CUL5: variants seen among roughly 807,000 people sequenced by gnomAD.
CUL5 encodes the protein cullin-5.
In CUL5, 26 loss-of-function variants were observed where a neutral mutation model predicts 108.8. That is an observed-to-expected ratio of 0.24 (90% CI 0.18 to 0.33). The LOEUF (loss-of-function observed/expected upper bound fraction) is 0.33. Ranked by LOEUF, CUL5 falls within the 10% of genes least tolerant of loss-of-function variation. The pLI, the probability that CUL5 is intolerant of heterozygous loss-of-function variation, is 1.00. For missense variants in CUL5, 524 were observed against 909.2 expected, an observed-to-expected ratio of 0.58 and a Z score of 5.45; for synonymous variants, 334 against 298.0, an observed-to-expected ratio of 1.12 and a Z score of -1.25.
At chr11:108,043,748 G>A (rs990935828) in intron 2 of CUL5, among the ~76,000 whole-genome samples, 1 of 152,226 alleles carries the variant, frequency 6.6e-6, no homozygotes, top group Non-Finnish European at 1.5e-5. Flanking sequence ...ACTTAGAATA[G>A]TATCTGGCTG....
At chr11:108,079,605 A>G (rs1030985509) in intron 11 of CUL5, among the ~76,000 whole-genome samples, 2 of 152,224 alleles carry the variant, frequency 1.3e-5, no homozygotes, top group African/African-American at 4.8e-5. Context: ...TTATGTTTTT[A>G]GGCAAAATTT....
intron 14 of CUL5, 86 bp from the exon 15 acceptor site, chr11:108,094,726 G>A: frequency 9.0e-7 from 1 of 1,116,006 alleles, no homozygotes; most frequent in Non-Finnish European, 1.3e-6. Flanking sequence ...TAGTCTTATT[G>A]ATTTTTCACC....
chr11:108,035,203 G>A (rs571214670), intron 2 of CUL5, among the ~76,000 whole-genome samples: 1 of 152,296 alleles, frequency 6.6e-6, no homozygotes, highest in East Asian at 1.9e-4. Context: ...GGGCGAAGGG[G>A]CTACACTCTT....
At chr11:108,055,006 G>A (rs369360610) in intron 7 of CUL5, 51 bp downstream of exon 7, 165 of 1,193,296 alleles carry the variant, frequency 1.4e-4, no homozygotes, top group Non-Finnish European at 1.9e-4. Context: ...AAATACGGAA[G>A]CATAGGAATG....
chr11:108,027,273 A>G (rs1286479446), intron 1 of CUL5, among the ~76,000 whole-genome samples: 2 of 142,306 alleles, frequency 1.4e-5, no homozygotes, highest in East Asian at 4.1e-4. Flanking sequence ...TGCCCAGCTA[A>G]TTTTTTTTTT....
At chr11:108,097,822 A>T in intron 17 of CUL5, 68 bp downstream of exon 17, 1 of 832,286 alleles carries the variant, frequency 1.2e-6, no homozygotes, top group Non-Finnish European at 2.0e-6. Flanking sequence ...TTTTTGCAAA[A>T]TAATTGTTTT....
intron 4 of CUL5, among the ~76,000 whole-genome samples, chr11:108,052,221 T>G (rs1037464102): frequency 6.6e-6 from 1 of 152,220 alleles, no homozygotes; most frequent in African/African-American, 2.4e-5. Context: ...TCCTCCCACC[T>G]TGGCCTCCCA....
chr11:108,092,810 T>G (rs892448546), intron 13 of CUL5, among the ~76,000 whole-genome samples: 4 of 152,118 alleles, frequency 2.6e-5, no homozygotes, highest in Non-Finnish European at 4.4e-5. Context: ...TATTTTATTT[T>G]TATTTTTATT....
chr11:108,061,950 C>A (rs1863546656), intron 7 of CUL5, among the ~76,000 whole-genome samples: 1 of 152,012 alleles, frequency 6.6e-6, no homozygotes, highest in African/African-American at 2.4e-5. Flanking sequence ...TTAAAACCAT[C>A]AGATTTTGAG....
chr11:108,020,541 T>TG (rs1218092169), intron 1 of CUL5, among the ~76,000 whole-genome samples: 1 of 151,372 alleles, frequency 6.6e-6, no homozygotes, highest in East Asian at 1.9e-4. Context: ...TGTGATTTTT[T>TG]TTTTTTTGTT....
chr11:108,015,416 C>T (rs1862157561), intron 1 of CUL5, among the ~76,000 whole-genome samples: 4 of 152,140 alleles, frequency 2.6e-5, no homozygotes, highest in Admixed American at 2.6e-4. Flanking sequence ...AGGTGCATAA[C>T]CAGAGAATTC....
intron 16 of CUL5, among the ~76,000 whole-genome samples, chr11:108,095,990 G>A (rs1003594135): frequency 1.3e-5 from 2 of 151,542 alleles, no homozygotes; most frequent in Admixed American, 1.3e-4. Flanking sequence ...CAGCTACTTG[G>A]GAGGCTGAGG....
chr11:108,035,682 T>A (rs1862721105), intron 2 of CUL5, among the ~76,000 whole-genome samples: 1 of 151,570 alleles, frequency 6.6e-6, no homozygotes, highest in South Asian at 2.1e-4. Flanking sequence ...GATTGCTTGC[T>A]GCATTGAGGC....
At chr11:108,054,228 C>G (rs1863315502) in intron 5 of CUL5, among the ~76,000 whole-genome samples, 1 of 152,152 alleles carries the variant, frequency 6.6e-6, no homozygotes. Flanking sequence ...TCTACCTTAC[C>G]TTCTATTAAC....
rs71303233 is a variant in CUL5 at position 108,091,695 on chromosome 11, TCACA to T, written c.1443+2106_1443+2109del. On this transcript the variant is annotated intron_variant, in intron 13 of 18. Transcript: ENST00000393094. ...CAGAGTCAGATCCTGTCTCTCTCAC[TCACA>T]CACACACACACACACACACACACAC... Among the ~76,000 whole-genome samples, 1,249 of 138,178 alleles carry T rather than the reference TCACA, an allele frequency of 9.0e-3. 5 individuals are homozygous for T. Among genetic ancestry groups the T allele is most frequent in the Middle Eastern group, 0.032 (9 of 282 alleles). The allele number at this position is 138,178 out of a possible 152,430, so 90.7% of individuals were successfully genotyped here. A position where few individuals can be genotyped will look rare whatever the true frequency, so the allele number is the denominator to read the frequency against.
At chr11:108,055,319 T>G (rs1863346142) in intron 7 of CUL5, among the ~76,000 whole-genome samples, 1 of 152,210 alleles carries the variant, frequency 6.6e-6, no homozygotes, top group Non-Finnish European at 1.5e-5. Context: ...ACTCTCTTTT[T>G]TTGTACCGGT....
At chr11:108,064,728 A>C (rs889820324) in intron 7 of CUL5, among the ~76,000 whole-genome samples, 4 of 152,074 alleles carry the variant, frequency 2.6e-5, no homozygotes, top group Non-Finnish European at 1.5e-5. Context: ...AAAACAAAAC[A>C]AAACAAAAAT....
At chr11:108,049,737 A>G (rs970980323) in intron 3 of CUL5, among the ~76,000 whole-genome samples, 153 bp from the exon 4 acceptor site, 3 of 152,176 alleles carry the variant, frequency 2.0e-5, no homozygotes, top group African/African-American at 7.2e-5. Context: ...TTCGTGTACA[A>G]GTTTTTTTGT....
At chr11:108,013,200 C>T (rs1862096114) in intron 1 of CUL5, among the ~76,000 whole-genome samples, 1 of 152,140 alleles carries the variant, frequency 6.6e-6, no homozygotes, top group African/African-American at 2.4e-5. Flanking sequence ...TTCTCTCTCT[C>T]AAATCACGTT....
Sources: gnomAD v4.1 joint callset for allele counts (sites outside exome capture counted in the v4.1 genomes callset) on GRCh38, gnomAD v4.1.1 for gene constraint, MANE v1.5 for transcripts, NCBI Gene and HGNC (gene_info 2026-07-23, HGNC 2026-07-21) for gene names.